CTXN2: variants seen among roughly 807,000 people sequenced by gnomAD.
The protein encoded by CTXN2 is cortexin 2.
CTXN2 carries 3 observed loss-of-function variants against 5.7 expected under a neutral mutation model. That is an observed-to-expected ratio of 0.53 (90% CI 0.24 to 1.36). The LOEUF (loss-of-function observed/expected upper bound fraction) is 1.36. CTXN2 is among the 40% of genes most tolerant of loss of function. The probability of loss-of-function intolerance (pLI) is 0.17; values close to 1 mark genes in which losing one functional copy is unlikely to be tolerated. For synonymous variants in CTXN2, 38 were observed against 36.4 expected (o/e 1.04, Z -0.16); for missense variants, 87 against 93.0 (o/e 0.94, Z 0.26).
chr15:48,180,655 G>A (rs1037439368), intron 1 of CTXN2, among the ~76,000 whole-genome samples: 6 of 152,152 alleles, frequency 3.9e-5, no homozygotes, highest in Non-Finnish European at 5.9e-5. Flanking sequence ...GGGACTACAG[G>A]CGCCCGCCAG....
At chr15:48,200,704 GA>G (rs938190667) in intron 1 of CTXN2, among the ~76,000 whole-genome samples, 7 of 151,510 alleles carry the variant, frequency 4.6e-5, no homozygotes, top group African/African-American at 1.2e-4. Context: ...TGGTAGTGAA[GA>G]AAAAAAATGT....
chr15:48,191,544 G>C, upstream of CTXN2: 1 of 370,424 alleles, frequency 2.7e-6, no homozygotes, highest in East Asian at 7.3e-5. Context: ...TACACACACA[G>C]ATGCTGCCAC....
At chr15:48,188,969 C>A (rs1442265760), upstream of CTXN2, 1 of 152,192 alleles carries the variant, frequency 6.6e-6, no homozygotes, top group East Asian at 1.9e-4. Context: ...TGCCACGTAT[C>A]TCCTCGAGGG....
chr15:48,190,258 A>T (rs909461786), upstream of CTXN2: 1 of 152,242 alleles, frequency 6.6e-6, no homozygotes, highest in Non-Finnish European at 1.5e-5. Context: ...TATGCATGTT[A>T]TACTTCAAGA....
chr15:48,186,755 T>A (rs528856093), upstream of CTXN2, among the ~76,000 whole-genome samples: 7 of 149,758 alleles, frequency 4.7e-5, no homozygotes, highest in South Asian at 2.1e-4. Flanking sequence ...AAAAAAAAAA[T>A]AAAAATTAGC....
intron 1 of CTXN2, among the ~76,000 whole-genome samples, chr15:48,181,599 T>C (rs2040702512): frequency 6.6e-6 from 1 of 152,056 alleles, no homozygotes; most frequent in African/African-American, 2.4e-5. Context: ...GTTTTAGGGA[T>C]AATAATAAAA....
chr15:48,186,824 C>A (rs999027952), upstream of CTXN2, among the ~76,000 whole-genome samples: 1 of 150,358 alleles, frequency 6.7e-6, no homozygotes, highest in East Asian at 2.0e-4. Flanking sequence ...GCAGGAGAAT[C>A]GCTTGAACCC....
At chr15:48,198,978 G>T (rs980842745) in intron 1 of CTXN2, among the ~76,000 whole-genome samples, 1 of 152,176 alleles carries the variant, frequency 6.6e-6, no homozygotes, top group African/African-American at 2.4e-5. Context: ...CCAGAAGCCA[G>T]TCTCTGAGAC....
chr15:48,180,778 G>A (rs1167723742), intron 1 of CTXN2, among the ~76,000 whole-genome samples: 1 of 152,196 alleles, frequency 6.6e-6, no homozygotes, highest in Admixed American at 6.5e-5. Context: ...CCAAATTGCT[G>A]GGATTACAGG....
At chr15:48,195,570 G>C (rs1195882287) in intron 1 of CTXN2, among the ~76,000 whole-genome samples, 1 of 152,012 alleles carries the variant, frequency 6.6e-6, no homozygotes, top group Non-Finnish European at 1.5e-5. Flanking sequence ...AAAAAATCCA[G>C]TATTTTTCTG....
intron 1 of CTXN2, among the ~76,000 whole-genome samples, chr15:48,181,737 T>C (rs1004184871): frequency 6.6e-6 from 1 of 152,078 alleles, no homozygotes; most frequent in African/African-American, 2.4e-5. Flanking sequence ...GATTACCTTC[T>C]CTGGGGTATT....
chr15:48,179,153 C>T (rs1269772746), intron 1 of CTXN2, among the ~76,000 whole-genome samples: 7 of 151,992 alleles, frequency 4.6e-5, no homozygotes. Context: ...TTAATCAACT[C>T]CTAATTCTCG....
At chr15:48,188,027 T>C (rs2040775446), upstream of CTXN2, among the ~76,000 whole-genome samples, 1 of 152,104 alleles carries the variant, frequency 6.6e-6, no homozygotes. Context: ...TTTAGTATCC[T>C]ATTTAGAATA....
chr15:48,190,672 A>T (rs940952300), upstream of CTXN2, among the ~76,000 whole-genome samples: 1 of 152,122 alleles, frequency 6.6e-6, no homozygotes, highest in Admixed American at 6.6e-5. Context: ...ACAGTCCAGT[A>T]GTTATAAGGT....
upstream of CTXN2, among the ~76,000 whole-genome samples, chr15:48,187,568 G>A (rs2040770292): frequency 6.6e-6 from 1 of 152,188 alleles, no homozygotes; most frequent in African/African-American, 2.4e-5. Context: ...AGAGGTAAAG[G>A]TGATCTCACT....
intron 1 of CTXN2, among the ~76,000 whole-genome samples, chr15:48,194,635 T>C (rs1247225903): frequency 6.6e-6 from 1 of 152,178 alleles, no homozygotes; most frequent in African/African-American, 2.4e-5. Context: ...TTACTCATGA[T>C]TCATCTTATA....
intron 1 of CTXN2, among the ~76,000 whole-genome samples, chr15:48,181,791 C>A (rs973719135): frequency 6.6e-6 from 1 of 152,010 alleles, no homozygotes; most frequent in African/African-American, 2.4e-5. Flanking sequence ...CAAAGACCAA[C>A]AATATGAAGT....
intron 1 of CTXN2, among the ~76,000 whole-genome samples, chr15:48,200,656 T>C (rs76333975): frequency 0.018 from 2,670 of 152,268 alleles, 75 homozygotes; most frequent in African/African-American, 0.062. Context: ...TTTAAAAACA[T>C]AATTCCTCTC....
intron 1 of CTXN2, among the ~76,000 whole-genome samples, chr15:48,179,871 A>T (rs1338107013): frequency 6.6e-6 from 1 of 152,176 alleles, no homozygotes; most frequent in African/African-American, 2.4e-5. Flanking sequence ...TTCTTTTGCT[A>T]TTGTTGAATT....
Sources: allele counts gnomAD v4.1 joint callset (sites outside exome capture counted in the v4.1 genomes callset), GRCh38; gene constraint gnomAD v4.1.1; transcripts MANE v1.5; gene names NCBI Gene and HGNC (gene_info 2026-07-23, HGNC 2026-07-21).